SOX5: variants seen among roughly 807,000 people sequenced by gnomAD.
SOX5 encodes transcription factor SOX-5.
In SOX5, 9 loss-of-function variants were observed where a neutral mutation model predicts 92.0. That is an observed-to-expected ratio of 0.10 (90% CI 0.06 to 0.17). SOX5 has a LOEUF of 0.17. Ranked by LOEUF, SOX5 falls within the 10% of genes least tolerant of loss-of-function variation. The pLI, the probability that SOX5 is intolerant of heterozygous loss-of-function variation, is 1.00. For synonymous variants in SOX5, 344 were observed against 336.3 expected (o/e 1.02, Z -0.25); for missense variants, 642 against 944.5 (o/e 0.68, Z 4.20).
chr12:24,334,352 G>A (rs913399538), intron 2 of SOX5, among the ~76,000 whole-genome samples: 2 of 151,874 alleles, frequency 1.3e-5, no homozygotes, highest in Non-Finnish European at 2.9e-5. Flanking sequence ...TATATTAATA[G>A]GACTTAAAAT....
intron 4 of SOX5, among the ~76,000 whole-genome samples, chr12:24,150,287 G>T (rs889717675): frequency 2.6e-5 from 4 of 152,060 alleles, no homozygotes; most frequent in African/African-American, 9.7e-5. Context: ...AATAATGACT[G>T]GCTGTCAGAA....
chr12:23,618,183 A>C (rs1316469774), intron 8 of SOX5, among the ~76,000 whole-genome samples: 1 of 152,202 alleles, frequency 6.6e-6, no homozygotes, highest in Non-Finnish European at 1.5e-5. Flanking sequence ...ATCTTTAATT[A>C]GTTTAATTTA....
intron 9 of SOX5, among the ~76,000 whole-genome samples, chr12:23,600,914 T>G (rs1486391635): frequency 6.6e-6 from 1 of 151,954 alleles, no homozygotes; most frequent in East Asian, 1.9e-4. Context: ...TCTCCAATTC[T>G]CCTCTCTCTG....
At chr12:23,712,003 G>A (rs973383191) in intron 6 of SOX5, among the ~76,000 whole-genome samples, 3 of 152,282 alleles carry the variant, frequency 2.0e-5, no homozygotes, top group Admixed American at 6.5e-5. Context: ...GAAATGAGGA[G>A]AATGAGTAAA....
intron 4 of SOX5, among the ~76,000 whole-genome samples, chr12:24,206,528 A>G (rs990147628): frequency 6.6e-6 from 1 of 152,160 alleles, no homozygotes; most frequent in Non-Finnish European, 1.5e-5. Context: ...TTCAACAGGA[A>G]AGCTTGTAAT....
rs571205321 is a variant in SOX5 at position 23,935,756 on chromosome 12, A to G, written c.38+13808T>C. Among the ~76,000 whole-genome samples, 16 of 151,370 alleles carry G rather than the reference A, an allele frequency of 1.1e-4. 1 individual carries two copies. In the East Asian group the frequency reaches 1.9e-3, roughly 18 times the overall value. Reference sequence around the variant, plus strand: ...GTCATTTATATCATCTACATTTTCAATATTTATTCAGCATTTAATATAATA... The same window carrying G: ...GTCATTTATATCATCTACATTTTCAGTATTTATTCAGCATTTAATATAATA... On this transcript the variant is annotated intron_variant, in intron 1 of 14. Transcript: ENST00000451604.
intron 1 of SOX5, chr12:24,562,264 G>T (rs1284049543): frequency 6.6e-6 from 1 of 152,314 alleles, no homozygotes; most frequent in Non-Finnish European, 1.5e-5. Flanking sequence ...GGGGAGCTCT[G>T]CGCCTTGGAG....
intron 4 of SOX5, among the ~76,000 whole-genome samples, chr12:23,956,448 T>C (rs570787446): frequency 6.6e-6 from 1 of 152,094 alleles, no homozygotes; most frequent in Non-Finnish European, 1.5e-5. Context: ...GCAAAACTTA[T>C]TGTGAACTGT....
intron 8 of SOX5, among the ~76,000 whole-genome samples, chr12:23,631,445 T>C (rs747261892): frequency 3.3e-5 from 5 of 152,240 alleles, no homozygotes; most frequent in Admixed American, 3.3e-4. Context: ...TCTGTTTTTC[T>C]TGATAAAATT....
At chr12:24,275,781 A>C (rs74068484) in intron 3 of SOX5, among the ~76,000 whole-genome samples, 8,750 of 152,224 alleles carry the variant, frequency 0.057, 844 homozygotes, top group African/African-American at 0.2. Flanking sequence ...CTGTTTACAG[A>C]AGTGGCCAAA....
intron 1 of SOX5, among the ~76,000 whole-genome samples, chr12:23,940,898 A>G (rs1026081081): frequency 6.6e-6 from 1 of 151,196 alleles, no homozygotes; most frequent in African/African-American, 2.4e-5. Flanking sequence ...TGATTCACCC[A>G]ACGTCTTCGG....
At chr12:23,658,470 A>G (rs1393968124) in intron 7 of SOX5, among the ~76,000 whole-genome samples, 1 of 152,232 alleles carries the variant, frequency 6.6e-6, no homozygotes, top group Non-Finnish European at 1.5e-5. Context: ...AAATAATTCA[A>G]TTCTTTACAA....
intron 7 of SOX5, among the ~76,000 whole-genome samples, chr12:23,660,793 T>A (rs2082937302): frequency 6.6e-6 from 1 of 152,122 alleles, no homozygotes; most frequent in African/African-American, 2.4e-5. Flanking sequence ...GATGGTTCAA[T>A]AATTGTTTCA....
rs551409370 is a variant in SOX5 at position 23,991,941 on chromosome 12, C to A, written c.-1-95917G>T. On this transcript the variant is annotated intron_variant, in intron 4 of 4. Coordinates refer to the SOX5 transcript ENST00000446891. ...ATCTCTTGTTAGAATATCTTTAGCT[C>A]TGAAAAGAAAGAAGCAATATGAAAT... Among the ~76,000 whole-genome samples the A allele has an allele frequency of 5.9e-5, 9 of 152,062 alleles. No individual in the cohort carries two copies. The South Asian group carries it at 1.5e-3, about 25-fold the overall frequency.
chr12:24,005,763 C>A (rs559942300), intron 4 of SOX5, among the ~76,000 whole-genome samples: 1 of 152,174 alleles, frequency 6.6e-6, no homozygotes, highest in African/African-American at 2.4e-5. Flanking sequence ...ACAGATACAG[C>A]TGTCACCATG....
At chr12:24,510,148 G>A (rs1184507451) in intron 1 of SOX5, among the ~76,000 whole-genome samples, 1 of 152,096 alleles carries the variant, frequency 6.6e-6, no homozygotes, top group East Asian at 1.9e-4. Flanking sequence ...TCACAATCAG[G>A]CAACTACAGA....
intron 1 of SOX5, among the ~76,000 whole-genome samples, chr12:24,384,940 C>T (rs1958226289): frequency 6.6e-6 from 1 of 152,106 alleles, no homozygotes; most frequent in Non-Finnish European, 1.5e-5. Flanking sequence ...ATTTATCTCG[C>T]TTCATCTCAT....
chr12:23,873,879 T>C (rs1456542951), intron 2 of SOX5, among the ~76,000 whole-genome samples: 1 of 152,196 alleles, frequency 6.6e-6, no homozygotes, highest in Non-Finnish European at 1.5e-5. Flanking sequence ...ATATTTACCT[T>C]CTTTTCAGAT....
chr12:23,993,903 G>C lies in SOX5; in HGVS notation c.-1-97879C>G, dbSNP rs142059172. ...TGTATGTATGTATGTATGTATGTATGTATGTATGTATGCATGTATGCATGT... is the reference window on the plus strand; with the variant it reads ...TGTATGTATGTATGTATGTATGTATCTATGTATGTATGCATGTATGCATGT... On this transcript the variant is annotated intron_variant, in intron 4 of 4. Transcript: ENST00000446891. Among the ~76,000 whole-genome samples, 877 of 151,992 alleles carry C rather than the reference G, an allele frequency of 5.8e-3. 11 individuals carry two copies. Among genetic ancestry groups the C allele is most frequent in the African/African-American group, 0.02 (834 of 41,418 alleles).
Sources: gnomAD v4.1 joint callset for allele counts (sites outside exome capture counted in the v4.1 genomes callset) on GRCh38, gnomAD v4.1.1 for gene constraint, MANE v1.5 for transcripts, NCBI Gene and HGNC (gene_info 2026-07-23, HGNC 2026-07-21) for gene names.